Variants in JMY observed in about 807,000 individuals in gnomAD.
JMY encodes junction mediating and regulatory protein, p53 cofactor, also known as junction-mediating and -regulatory protein.
Under a neutral mutation model 103.3 loss-of-function variants are expected in JMY, and 46 were observed. The observed-to-expected ratio is 0.45, with a 90% CI of 0.35 to 0.57. The LOEUF (loss-of-function observed/expected upper bound fraction) is 0.57, where lower values mean the gene tolerates loss of function less well. JMY is among the 20% of genes least tolerant of loss of function. JMY has a pLI of 0.00. For synonymous variants in JMY, 526 were observed against 489.3 expected (o/e 1.07, Z -0.99); for missense variants, 1,238 against 1,255.2 (o/e 0.99, Z 0.21).
chr5:79,307,463 C>A (rs75526935), intron 7 of JMY, among the ~76,000 whole-genome samples: 4,978 of 151,932 alleles, frequency 0.033, 96 homozygotes, highest in South Asian at 0.061. Context: ...ATAGTGGTAT[C>A]TTTTGGTGTG....
At chr5:79,274,405 T>G (rs916130534) in intron 1 of JMY, among the ~76,000 whole-genome samples, 1 of 142,852 alleles carries the variant, frequency 7.0e-6, no homozygotes, top group Non-Finnish European at 1.6e-5. Flanking sequence ...TGTTTTTTTT[T>G]GTTTGTTTGT....
chr5:79,240,468 C>T (rs1744702798), intron 1 of JMY, among the ~76,000 whole-genome samples: 1 of 152,058 alleles, frequency 6.6e-6, no homozygotes, highest in South Asian at 2.1e-4. Context: ...CGCTACCATG[C>T]CTGGCTAATT....
intron 1 of JMY, among the ~76,000 whole-genome samples, chr5:79,252,370 G>A (rs1328530481): frequency 6.8e-6 from 1 of 146,184 alleles, no homozygotes; most frequent in African/African-American, 2.5e-5. Context: ...TTTAAGGCTT[G>A]CTTTGTGACA....
At chr5:79,306,195 T>C (rs1272336965) in intron 6 of JMY, among the ~76,000 whole-genome samples, 180 bp from the exon 7 acceptor site, 1 of 152,182 alleles carries the variant, frequency 6.6e-6, no homozygotes, top group Non-Finnish European at 1.5e-5. Flanking sequence ...AGGAGTCTTT[T>C]CGTAAGATCC....
chr5:79,303,270 A>C (rs1458248148), intron 6 of JMY, among the ~76,000 whole-genome samples: 1 of 152,032 alleles, frequency 6.6e-6, no homozygotes, highest in South Asian at 2.1e-4. Flanking sequence ...GGGGCTCACT[A>C]TGTTGCCCAG....
At chr5:79,282,496 A>T (rs1294493514) in intron 2 of JMY, among the ~76,000 whole-genome samples, 1 of 152,232 alleles carries the variant, frequency 6.6e-6, no homozygotes, top group African/African-American at 2.4e-5. Context: ...GTACACACTT[A>T]TATAAGAAGC....
chr5:79,252,174 T>A (rs186875761), intron 1 of JMY, among the ~76,000 whole-genome samples: 1 of 152,324 alleles, frequency 6.6e-6, no homozygotes, highest in Non-Finnish European at 1.5e-5. Context: ...GTTTCCATTA[T>A]GATTTGTTTT....
rs1260805052 is a variant in JMY, at chr5:79,300,975, C to T, written c.1881+112C>T. ...TTTTAAAACTAAGTAAGCACTATCT[C>T]TTATCAGTGCTCAATGCGTTTATAG... On this transcript the variant is annotated intron_variant, in intron 6 of 10. Coordinates refer to ENST00000396137, the MANE Select transcript of JMY (RefSeq NM_152405.5). The T allele has an allele frequency of 3.7e-6, 3 of 817,908 alleles. No homozygotes were observed. In the African/African-American group the frequency reaches 5.3e-5, roughly 14 times the overall value. 50.7% of individuals were successfully genotyped at this position (817,908 alleles called of 1,614,324 possible).
intron 4 of JMY, among the ~76,000 whole-genome samples, chr5:79,294,678 G>A (rs555372535): frequency 2.0e-5 from 3 of 152,066 alleles, no homozygotes; most frequent in African/African-American, 4.8e-5. Flanking sequence ...CCAAGATGAC[G>A]AAATTCTGTC....
At chr5:79,266,225 A>C (rs1745584683) in intron 1 of JMY, among the ~76,000 whole-genome samples, 1 of 152,224 alleles carries the variant, frequency 6.6e-6, no homozygotes, top group East Asian at 1.9e-4. Flanking sequence ...TAATGTCTCT[A>C]CAGATTAAGT....
At position 79,236,903 on chromosome 5, in the gene JMY, G is replaced by T; in HGVS notation, c.253G>T (p.Ala85Ser). The T allele has an allele frequency of 7.4e-7, 1 of 1,356,384 alleles. No individual in the cohort carries two copies. The allele number at this position is 1,356,384 out of a possible 1,614,324, so 84.0% of individuals were successfully genotyped here. ...CGGGAGCCGCGGGCCCGGCAGCCCG[G>T]CGGGCAGGGGTCGGCCCGAGGCCAC... is the stretch of plus-strand genomic sequence containing the variant. ...SDGSRGPGSP[A>S]GRGRPEATAS... Residue 85 changes from alanine (A) to serine (S), a missense_variant, in exon 1 of 11, where the codon GCG becomes TCG. Physicochemically the swap from Ala to Ser is moderately conservative, Grantham distance 99 (BLOSUM62 1). Coordinates refer to ENST00000396137, the MANE Select transcript of JMY (RefSeq NM_152405.5).
intron 2 of JMY, among the ~76,000 whole-genome samples, chr5:79,283,594 T>C (rs1452268842): frequency 1.3e-5 from 2 of 152,222 alleles, no homozygotes; most frequent in African/African-American, 4.8e-5. Flanking sequence ...TTTAGGGAGC[T>C]CACAGATTCT....
In JMY at chr5:79,236,490, G is replaced by C. The variant is rs938368798; in HGVS notation, c.-161G>C. The C allele has an allele frequency of 1.7e-5, 8 of 480,232 alleles. No individual in the cohort carries two copies. The highest frequency in any genetic ancestry group is 1.6e-4 in the African/African-American group (8 of 49,140). 29.7% of individuals were successfully genotyped at this position (480,232 alleles called of 1,614,324 possible). A position where few individuals can be genotyped will look rare whatever the true frequency, so the allele number is the denominator to read the frequency against. ...CGCCACAAAGGAGCTCGGCGGTCGG[G>C]GCGCGGAGGGACAGGCGAACGAGCC... On this transcript the variant is annotated 5_prime_UTR_variant, in exon 1 of 11. Coordinates refer to ENST00000396137, the MANE Select transcript of JMY (RefSeq NM_152405.5).
At chr5:79,285,013 T>C (rs2112092641) in intron 2 of JMY, 1 of 778,070 alleles carries the variant, frequency 1.3e-6, no homozygotes, top group East Asian at 2.7e-5. Flanking sequence ...ATCCAGTGTC[T>C]TTAATGAGTC....
intron 2 of JMY, chr5:79,284,815 G>A: frequency 6.3e-7 from 1 of 1,576,648 alleles, no homozygotes; most frequent in Non-Finnish European, 8.6e-7. Context: ...CATAGCAGGT[G>A]CTTTCACATC....
At chr5:79,270,256 T>C (rs1745705263) in intron 1 of JMY, among the ~76,000 whole-genome samples, 1 of 149,278 alleles carries the variant, frequency 6.7e-6, no homozygotes, top group African/African-American at 2.4e-5. Flanking sequence ...TAAATATAAA[T>C]GCATATATAA....
rs1050198837 is a variant in JMY at position 79,270,364 on chromosome 5, T to C, written c.1033-7546T>C. ...TATATATTTACATAAATATTTAAAA[T>C]GTATATTTACATAAATATTTACATA... On this transcript the variant is annotated intron_variant, in intron 1 of 10. Transcript: ENST00000396137. 2.9e-5 allele frequency among the ~76,000 whole-genome samples: 4 copies of C among 137,922 alleles called. 1 individual carries two copies. Among genetic ancestry groups the C allele is most frequent in the African/African-American group, 1.1e-4 (4 of 37,162 alleles). 90.5% of individuals were successfully genotyped at this position (137,922 alleles called of 152,430 possible). A position where few individuals can be genotyped will look rare whatever the true frequency, so the allele number is the denominator to read the frequency against.
At chr5:79,297,528 T>A (rs1412337010) in intron 4 of JMY, among the ~76,000 whole-genome samples, 2 of 152,172 alleles carry the variant, frequency 1.3e-5, no homozygotes, top group African/African-American at 4.8e-5. Flanking sequence ...GCTCCATACC[T>A]CTTCATGCCT....
rs546509706 is a variant in JMY at position 79,288,651 on chromosome 5, A to G, written c.1207-1470A>G. Among the ~76,000 whole-genome samples the G allele has an allele frequency of 2.0e-5, 3 of 151,844 alleles. No individual in the cohort carries two copies. In the South Asian group the frequency reaches 6.2e-4, roughly 32 times the overall value. ...CACCTGATGCTCCCCTTGATGTCTT[A>G]GGCATGCTCACTCATGACTTTTTTT... is the stretch of plus-strand genomic sequence containing the variant. On this transcript the variant is annotated intron_variant, in intron 2 of 10. Coordinates refer to ENST00000396137, the MANE Select transcript of JMY (RefSeq NM_152405.5).
Sources: gnomAD v4.1 joint callset for allele counts (sites outside exome capture counted in the v4.1 genomes callset) on GRCh38, gnomAD v4.1.1 for gene constraint, MANE v1.5 for transcripts, NCBI Gene and HGNC (gene_info 2026-07-23, HGNC 2026-07-21) for gene names.